GGNBP2: variants seen among roughly 807,000 people sequenced by gnomAD.
The protein encoded by GGNBP2 is gametogenetin binding protein 2.
A neutral mutation model predicts 85.9 loss-of-function variants in GGNBP2; 10 were observed. That is an observed-to-expected ratio of 0.12 (90% CI 0.07 to 0.20). The LOEUF (loss-of-function observed/expected upper bound fraction) is 0.20. GGNBP2 is among the 10% of genes least tolerant of loss of function. The pLI, the probability that GGNBP2 is intolerant of heterozygous loss-of-function variation, is 1.00. For missense variants in GGNBP2, 595 were observed against 857.8 expected (o/e 0.69, Z 3.83); for synonymous variants, 287 against 285.7 (o/e 1.00, Z -0.05).
At chr17:36,561,914 C>T (rs555396108) in intron 5 of GGNBP2, among the ~76,000 whole-genome samples, 16 of 152,286 alleles carry the variant, frequency 1.1e-4, no homozygotes, top group East Asian at 7.7e-4. Flanking sequence ...TGAGCCACCG[C>T]GCCCGGCCTA....
intron 9 of GGNBP2, 138 bp downstream of exon 9, chr17:36,581,676 T>G: frequency 2.1e-6 from 1 of 486,044 alleles, no homozygotes; most frequent in Middle Eastern, 5.5e-4. Flanking sequence ...AGCCTAGGAG[T>G]TTGGGACCAG....
intron 9 of GGNBP2, among the ~76,000 whole-genome samples, chr17:36,583,443 C>G (rs976474484): frequency 1.3e-5 from 2 of 151,976 alleles, no homozygotes; most frequent in African/African-American, 4.8e-5. Context: ...TAGTCTCACA[C>G]AGATATTATA....
Position 36,587,465 on chromosome 17 carries a change from G to C in GGNBP2, c.1890+220G>C, listed in dbSNP as rs1202758794. On this transcript the variant is annotated intron_variant, in intron 13 of 13. Transcript: ENST00000613102. ...TTCCATGGCCGCCTCTGTCTCAGTAGAAGACATTATAGGTATTCCTTGAGT... is the reference window on the plus strand; with the variant it reads ...TTCCATGGCCGCCTCTGTCTCAGTACAAGACATTATAGGTATTCCTTGAGT... 9 of 568,962 alleles carry C rather than the reference G, an allele frequency of 1.6e-5. No homozygotes were observed. The East Asian group carries it at 2.6e-4, about 17-fold the overall frequency. 35.2% of individuals were successfully genotyped at this position (568,962 alleles called of 1,614,324 possible). A position where few individuals can be genotyped will look rare whatever the true frequency, so the allele number is the denominator to read the frequency against.
At chr17:36,575,271 A>C in intron 6 of GGNBP2, 1 of 581,900 alleles carries the variant, frequency 1.7e-6, no homozygotes, top group Non-Finnish European at 3.2e-6. Flanking sequence ...AAGCCACTGC[A>C]TTTCCCCATC....
At chr17:36,581,038 A>G (rs952738454) in intron 8 of GGNBP2, among the ~76,000 whole-genome samples, 49 of 152,318 alleles carry the variant, frequency 3.2e-4, no homozygotes, top group Middle Eastern at 6.8e-3. Flanking sequence ...TAATCCCAGC[A>G]CTTCGGGAGG....
chr17:36,579,816 G>A (rs763652733), intron 8 of GGNBP2, among the ~76,000 whole-genome samples: 21 of 152,074 alleles, frequency 1.4e-4, no homozygotes, highest in Non-Finnish European at 2.6e-4. Context: ...TTTGAGACCA[G>A]CCTGACCAAT....
intron 8 of GGNBP2, among the ~76,000 whole-genome samples, chr17:36,580,356 C>G (rs955972306): frequency 6.6e-6 from 1 of 151,376 alleles, no homozygotes; most frequent in East Asian, 2.0e-4. Context: ...TGCAGGCGCC[C>G]GCCACCACGC....
At chr17:36,566,330 G>A (rs1289210336) in intron 5 of GGNBP2, among the ~76,000 whole-genome samples, 1 of 152,156 alleles carries the variant, frequency 6.6e-6, no homozygotes, top group Non-Finnish European at 1.5e-5. Flanking sequence ...ACCCTGTTGG[G>A]GAGGGAGAGT....
intron 2 of GGNBP2, chr17:36,546,277 G>A: frequency 3.8e-6 from 1 of 262,944 alleles, no homozygotes; most frequent in Non-Finnish European, 7.1e-6. Flanking sequence ...TAATTACTGG[G>A]GGCAGAGTGA....
At chr17:36,554,755 T>G (rs963424429) in intron 2 of GGNBP2, 65 bp from the exon 3 acceptor site, 55 of 1,040,860 alleles carry the variant, frequency 5.3e-5, no homozygotes, top group Non-Finnish European at 7.8e-5. Context: ...TTTCTGGAGT[T>G]TGTAGGCTGT....
chr17:36,587,563 C>T, intron 13 of GGNBP2: 1 of 277,648 alleles, frequency 3.6e-6, no homozygotes, highest in Non-Finnish European at 7.0e-6. Context: ...ATTCAACATC[C>T]CAATAAACCC....
chr17:36,560,598 C>T (rs553423458), intron 4 of GGNBP2, among the ~76,000 whole-genome samples, 175 bp from the exon 5 acceptor site: 1 of 109,792 alleles, frequency 9.1e-6, no homozygotes, highest in African/African-American at 3.8e-5. Context: ...AGTCAGGTAG[C>T]AGTCAGTGTT....
intron 5 of GGNBP2, among the ~76,000 whole-genome samples, chr17:36,561,987 A>G (rs568869379): frequency 2.2e-3 from 341 of 152,120 alleles, no homozygotes; most frequent in Admixed American, 4.2e-3. Context: ...ATTAAGTGCT[A>G]TAGTGTCCAA....
intron 2 of GGNBP2, among the ~76,000 whole-genome samples, chr17:36,553,021 C>CA (rs56946600): frequency 0.13 from 9,881 of 75,916 alleles, 841 homozygotes; most frequent in East Asian, 0.21. Context: ...GACTCTGTCT[C>CA]AAAAAAAAAA....
chr17:36,580,023 AAAAC>A (rs2074630524), intron 8 of GGNBP2, among the ~76,000 whole-genome samples: 1 of 151,858 alleles, frequency 6.6e-6, no homozygotes. Flanking sequence ...AACAAAAACA[AAAAC>A]AAAAACAAAA....
chr17:36,564,069 T>A (rs1030332554), intron 5 of GGNBP2, among the ~76,000 whole-genome samples: 2 of 152,180 alleles, frequency 1.3e-5, no homozygotes, highest in Non-Finnish European at 2.9e-5. Flanking sequence ...CTTTTAAAAA[T>A]TTTTTATTTT....
At chr17:36,577,526 A>C (rs965643115) in intron 6 of GGNBP2, 2 of 163,168 alleles carry the variant, frequency 1.2e-5, no homozygotes, top group African/African-American at 4.8e-5. Flanking sequence ...AAAATGTTGT[A>C]ATAGAAATTG....
At chr17:36,583,851 C>A (rs949498903) in intron 9 of GGNBP2, among the ~76,000 whole-genome samples, 1 of 152,208 alleles carries the variant, frequency 6.6e-6, no homozygotes, top group Non-Finnish European at 1.5e-5. Flanking sequence ...CTAAAAGATT[C>A]ATTGCAATAT....
chr17:36,567,649 T>G lies in GGNBP2; in HGVS notation c.528-14T>G, dbSNP rs763390339. 1 of 1,359,128 alleles carries G rather than the reference T, an allele frequency of 7.4e-7. No homozygotes were observed. Among genetic ancestry groups the G allele is most frequent in the Non-Finnish European group, 1.0e-6 (1 of 954,812 alleles). The allele number at this position is 1,359,128 out of a possible 1,614,324, so 84.2% of individuals were successfully genotyped here. ...TGTATTCTCCCTTTTCACTAATATT[T>G]GTTCTTTCTACAGAGGTTGTTGGAT... On this transcript the variant is annotated splice_polypyrimidine_tract_variant and intron_variant, in intron 5 of 13. Transcript: ENST00000613102.
Sources: gnomAD v4.1 joint callset for allele counts (sites outside exome capture counted in the v4.1 genomes callset) on GRCh38, gnomAD v4.1.1 for gene constraint, MANE v1.5 for transcripts, NCBI Gene and HGNC (gene_info 2026-07-23, HGNC 2026-07-21) for gene names.